The following GFPT2 variants were observed in gnomAD, a reference collection of about 807,000 sequenced individuals.
GFPT2 encodes glutamine--fructose-6-phosphate aminotransferase [isomerizing] 2.
Under a neutral mutation model 85.6 loss-of-function variants are expected in GFPT2, and 62 were observed. That is an observed-to-expected ratio of 0.72 (90% CI 0.59 to 0.90). GFPT2 has a LOEUF of 0.90. GFPT2 is among the 40% of genes least tolerant of loss of function. The probability of loss-of-function intolerance (pLI) is 0.00; values close to 1 mark genes in which losing one functional copy is unlikely to be tolerated. For missense variants in GFPT2, 788 were observed against 893.4 expected (o/e 0.88, Z 1.50); for synonymous variants, 368 against 344.5 (o/e 1.07, Z -0.75).
intron 16 of GFPT2, among the ~76,000 whole-genome samples, chr5:180,305,604 C>T (rs372458144): frequency 3.5e-3 from 537 of 152,320 alleles, no homozygotes; most frequent in African/African-American, 0.012. Context: ...GCTGCAGTGC[C>T]GGCCTCCCAG....
intron 1 of GFPT2, chr5:180,352,339 G>GAAAAAAAAA: frequency 5.8e-6 from 2 of 344,714 alleles, no homozygotes; most frequent in African/African-American, 3.0e-5. Flanking sequence ...CCTACTCAAG[G>GAAAAAAAAA]AAAAAAAAAA....
chr5:180,342,549 T>C (rs1184112217), intron 1 of GFPT2, among the ~76,000 whole-genome samples: 1 of 151,944 alleles, frequency 6.6e-6, no homozygotes, highest in African/African-American at 2.4e-5. Context: ...GTGCTGGGAT[T>C]ACAGGCATAA....
intron 1 of GFPT2, chr5:180,352,772 G>C: frequency 3.1e-6 from 1 of 325,138 alleles, no homozygotes; most frequent in South Asian, 2.2e-5. Flanking sequence ...CGGTGGGCGC[G>C]GCGGGCTGAG....
chr5:180,336,280 T>G (rs889788709), intron 3 of GFPT2, 199 bp downstream of exon 3: 31 of 611,248 alleles, frequency 5.1e-5, no homozygotes, highest in Non-Finnish European at 8.4e-5. Context: ...CTTAAAAAAA[T>G]TATCCATGCG....
chr5:180,326,221 A>T (rs74760981), intron 7 of GFPT2, among the ~76,000 whole-genome samples: 28,479 of 152,108 alleles, frequency 0.19, 3,280 homozygotes, highest in Non-Finnish European at 0.26. Context: ...CAGGCAGGTA[A>T]AAGTGCAGTA....
At chr5:180,332,915 G>C (rs1175720339) in intron 4 of GFPT2, among the ~76,000 whole-genome samples, 2 of 152,098 alleles carry the variant, frequency 1.3e-5, no homozygotes, top group South Asian at 2.1e-4. Flanking sequence ...TTCTCCCACA[G>C]CATCTTTTGA....
intron 1 of GFPT2, among the ~76,000 whole-genome samples, chr5:180,350,431 C>T (rs1050510407): frequency 3.9e-5 from 6 of 152,196 alleles, no homozygotes; most frequent in Admixed American, 3.9e-4. Flanking sequence ...AGGCTGTAGC[C>T]CGTGCTCAAG....
At chr5:180,352,631 G>A (rs1019708168) in intron 1 of GFPT2, 2 of 448,800 alleles carry the variant, frequency 4.5e-6, no homozygotes, top group Non-Finnish European at 8.9e-6. Context: ...ACGCGGCAGC[G>A]ACCCTTCTAG....
chr5:180,341,270 T>C (rs1295255628), intron 1 of GFPT2, among the ~76,000 whole-genome samples: 2 of 152,202 alleles, frequency 1.3e-5, no homozygotes, highest in Non-Finnish European at 2.9e-5. Context: ...CTGATCAGGA[T>C]TGAAATTTTT....
At position 180,316,512 on chromosome 5, in the gene GFPT2, G is replaced by A. The variant is rs773079620; in HGVS notation, c.1153-51C>T. 4 of 1,605,292 alleles carry A rather than the reference G, an allele frequency of 2.5e-6. No individual in the cohort carries two copies. The Admixed American group carries it at 5.0e-5, about 20-fold the overall frequency. ...ACTAAAGTCAGTCACAGGCACGACA[G>A]GGACATGGGGCAGCTGGGCTTCTAG... On this transcript the variant is annotated intron_variant, in intron 12 of 18. Transcript: ENST00000253778.
At chr5:180,309,986 A>G (rs1581368792) in intron 15 of GFPT2, among the ~76,000 whole-genome samples, 1 of 148,212 alleles carries the variant, frequency 6.7e-6, no homozygotes, top group Non-Finnish European at 1.5e-5. Context: ...AATTTTTTGT[A>G]TTTTTAGTAG....
chr5:180,303,637 T>C (rs1049477525), intron 17 of GFPT2, among the ~76,000 whole-genome samples: 3 of 152,182 alleles, frequency 2.0e-5, no homozygotes, highest in Non-Finnish European at 4.4e-5. Context: ...CTGAGCCAGG[T>C]GGCAACATCT....
chr5:180,336,334 G>A (rs561895506), intron 3 of GFPT2, 145 bp downstream of exon 3: 75 of 696,210 alleles, frequency 1.1e-4, no homozygotes, highest in African/African-American at 1.8e-4. Flanking sequence ...TGCGAAGCCC[G>A]GTTTTACAGC....
intron 9 of GFPT2, among the ~76,000 whole-genome samples, chr5:180,322,897 G>A (rs981060296): frequency 4.6e-5 from 7 of 152,048 alleles, no homozygotes; most frequent in African/African-American, 1.7e-4. Flanking sequence ...TTAGCCGGGC[G>A]TGGTGGCGGG....
At chr5:180,315,216 C>G (rs534251315) in intron 13 of GFPT2, among the ~76,000 whole-genome samples, 42 of 150,384 alleles carry the variant, frequency 2.8e-4, no homozygotes, top group Middle Eastern at 3.4e-3. Context: ...CTCGCTCTGT[C>G]GCCCAGGCTG....
In GFPT2 at chr5:180,333,514, G is replaced by A. The variant is rs543414756; in HGVS notation, c.341-1961C>T. Among the ~76,000 whole-genome samples, 7 of 152,144 alleles carry A rather than the reference G, an allele frequency of 4.6e-5. No homozygotes were observed. The East Asian group carries it at 1.2e-3, about 25-fold the overall frequency. ...CTCCCAAAGTGCTGGGATTACAGGC[G>A]TGAGCCACCATGCCTGGCCGGTGAT... is the stretch of plus-strand genomic sequence containing the variant. On this transcript the variant is annotated intron_variant, in intron 4 of 18. Transcript: ENST00000253778.
At chr5:180,307,695 T>G (rs1195141103) in intron 15 of GFPT2, among the ~76,000 whole-genome samples, 1 of 152,234 alleles carries the variant, frequency 6.6e-6, no homozygotes, top group Non-Finnish European at 1.5e-5. Flanking sequence ...CCACCGGTTC[T>G]CAAACCCTTT....
At chr5:180,332,256 A>AGGGGGATGC (rs61220861) in intron 4 of GFPT2, among the ~76,000 whole-genome samples, 1 of 124,042 alleles carries the variant, frequency 8.1e-6, no homozygotes, top group Admixed American at 7.6e-5. Context: ...CGGGGGGAGC[A>AGGGGGATGC]GGGGGATGCG....
Position 180,312,470 on chromosome 5 carries a change from G to A in GFPT2, c.1506C>T (p.Asn502=), listed in dbSNP as rs1763912534. The part of the protein sequence containing the change: ...MMSEDRISLQ[N]RRQEIIRGLR... ...AGCCACGGATGATCTCTTGCCTCCTGTTTTGTAGTGAAATTCGGTCTTCAG... is the reference window on the plus strand; with the variant it reads ...AGCCACGGATGATCTCTTGCCTCCTATTTTGTAGTGAAATTCGGTCTTCAG... Residue 502 remains asparagine, a synonymous_variant, in exon 15 of 19, where the codon AAC becomes AAT. Coordinates refer to ENST00000253778, the MANE Select transcript of GFPT2 (RefSeq NM_005110.4). 3 of 1,609,854 alleles carry A rather than the reference G, an allele frequency of 1.9e-6. No individual in the cohort carries two copies. The highest frequency in any genetic ancestry group is 1.3e-5 in the African/African-American group (1 of 74,956).
Sources: gnomAD v4.1 joint callset for allele counts (sites outside exome capture counted in the v4.1 genomes callset) on GRCh38, gnomAD v4.1.1 for gene constraint, MANE v1.5 for transcripts, NCBI Gene and HGNC (gene_info 2026-07-23, HGNC 2026-07-21) for gene names.